HDAC9: variants seen among roughly 807,000 people sequenced by gnomAD.
HDAC9 encodes histone deacetylase 9.
HDAC9 carries 41 observed loss-of-function variants against 139.4 expected under a neutral mutation model. The ratio of observed to expected loss-of-function variants is 0.29; its 90% CI spans 0.23 to 0.38. HDAC9 has a LOEUF of 0.38. Ranked by LOEUF, HDAC9 falls within the 10% of genes least tolerant of loss-of-function variation. The pLI is 1.00. For synonymous variants in HDAC9, 517 were observed against 476.2 expected (o/e 1.09, Z -1.12); for missense variants, 1,147 against 1,297.0 (o/e 0.88, Z 1.78).
chr7:18,274,361 C>G (rs968690755), intron 2 of HDAC9, among the ~76,000 whole-genome samples: 2 of 152,144 alleles, frequency 1.3e-5, no homozygotes, highest in African/African-American at 4.8e-5. Context: ...GTGCATAGAT[C>G]ACATGGTGAG....
intron 17 of HDAC9, among the ~76,000 whole-genome samples, chr7:18,826,540 T>G (rs2129203813): frequency 6.6e-6 from 1 of 152,118 alleles, no homozygotes; most frequent in East Asian, 1.9e-4. Flanking sequence ...GTTTCAGAAA[T>G]AGTTTAGCAG....
At chr7:18,501,184 A>G (rs1028859907) in intron 2 of HDAC9, among the ~76,000 whole-genome samples, 4 of 152,164 alleles carry the variant, frequency 2.6e-5, no homozygotes, top group African/African-American at 9.7e-5. Flanking sequence ...CAAAGTAACG[A>G]GGGAACACTG....
intron 1 of HDAC9, among the ~76,000 whole-genome samples, chr7:18,147,656 G>T (rs1786442766): frequency 6.7e-6 from 1 of 149,832 alleles, no homozygotes; most frequent in African/African-American, 2.4e-5. Flanking sequence ...AAGCAATAAG[G>T]CATTTAAAAT....
intron 2 of HDAC9, among the ~76,000 whole-genome samples, chr7:18,219,758 A>T (rs1280604352): frequency 2.0e-5 from 3 of 152,194 alleles, no homozygotes; most frequent in Non-Finnish European, 4.4e-5. Context: ...ATTTCCAAAA[A>T]ACTTTATTTT....
intron 12 of HDAC9, among the ~76,000 whole-genome samples, chr7:18,673,678 C>T (rs1489591665): frequency 6.6e-6 from 1 of 151,970 alleles, no homozygotes; most frequent in Non-Finnish European, 1.5e-5. Context: ...TTTAGATCGT[C>T]TTCATCTCAT....
intron 2 of HDAC9, among the ~76,000 whole-genome samples, chr7:18,582,131 C>T (rs1038327449): frequency 2.0e-5 from 3 of 152,162 alleles, no homozygotes; most frequent in Admixed American, 1.3e-4. Context: ...GACAGGATTT[C>T]TGTTAGCCTT....
At position 18,625,484 on chromosome 7, in the gene HDAC9, C is replaced by T. The variant is rs182547821; in HGVS notation, c.665-3866C>T. Among the ~76,000 whole-genome samples the T allele has an allele frequency of 1.1e-4, 17 of 152,250 alleles. No homozygotes were observed. The East Asian group carries it at 3.1e-3, about 28-fold the overall frequency. On this transcript the variant is annotated intron_variant, in intron 6 of 25. Coordinates refer to ENST00000686413, the MANE Select transcript of HDAC9 (RefSeq NM_178425.4). ...CTTTGTAGGATGTTTGGCAGTACCC[C>T]TGGCCTGTACCCATACCAGATGCCT...
At chr7:18,752,059 G>C (rs1315420901) in intron 14 of HDAC9, among the ~76,000 whole-genome samples, 2 of 152,034 alleles carry the variant, frequency 1.3e-5, no homozygotes, top group Admixed American at 6.6e-5. Flanking sequence ...ATTTTACTAT[G>C]TTATTAAGCC....
intron 2 of HDAC9, among the ~76,000 whole-genome samples, chr7:18,277,768 C>G (rs999111869): frequency 3.3e-5 from 5 of 152,052 alleles, no homozygotes; most frequent in Non-Finnish European, 5.9e-5. Flanking sequence ...AAAGTCTTAC[C>G]TCTGATTCAG....
At chr7:18,425,276 A>G (rs1018586199) in intron 1 of HDAC9, among the ~76,000 whole-genome samples, 3 of 152,230 alleles carry the variant, frequency 2.0e-5, no homozygotes, top group Non-Finnish European at 4.4e-5. Flanking sequence ...CCAAGTAGAT[A>G]TAGAAATAGT....
intron 12 of HDAC9, among the ~76,000 whole-genome samples, chr7:18,678,590 C>A (rs1030784503): frequency 6.6e-6 from 1 of 151,780 alleles, no homozygotes; most frequent in African/African-American, 2.4e-5. Flanking sequence ...TTAATCACAT[C>A]CAGTAAATTT....
chr7:18,692,049 G>C (rs1468863930), intron 12 of HDAC9, among the ~76,000 whole-genome samples: 1 of 152,054 alleles, frequency 6.6e-6, no homozygotes, highest in African/African-American at 2.4e-5. Flanking sequence ...CTGTCTCCTG[G>C]GGTAAATGGT....
intron 2 of HDAC9, among the ~76,000 whole-genome samples, chr7:18,503,544 T>G (rs1798956662): frequency 6.6e-6 from 1 of 152,222 alleles, no homozygotes; most frequent in Non-Finnish European, 1.5e-5. Context: ...CCATTCATTA[T>G]CATAATGTTA....
At chr7:18,865,657 A>G (rs535467822) in intron 21 of HDAC9, among the ~76,000 whole-genome samples, 22 of 152,280 alleles carry the variant, frequency 1.4e-4, no homozygotes, top group African/African-American at 5.3e-4. Context: ...AGCAGCCACA[A>G]CAGCTGCCTG....
At chr7:18,736,499 G>A (rs746167505) in intron 13 of HDAC9, among the ~76,000 whole-genome samples, 1 of 152,258 alleles carries the variant, frequency 6.6e-6, no homozygotes, top group South Asian at 2.1e-4. Context: ...TAATGATGTG[G>A]TTTTGTTGTT....
At chr7:18,987,538 T>C (rs1402306493) in intron 25 of HDAC9, among the ~76,000 whole-genome samples, 1 of 152,202 alleles carries the variant, frequency 6.6e-6, no homozygotes, top group Non-Finnish European at 1.5e-5. Context: ...CTTTTTTGGT[T>C]GTGTCTCTGC....
intron 2 of HDAC9, among the ~76,000 whole-genome samples, chr7:18,552,400 A>G (rs1260018986): frequency 6.6e-6 from 1 of 152,056 alleles, no homozygotes; most frequent in Non-Finnish European, 1.5e-5. Flanking sequence ...CCACTTAATG[A>G]GTAGGCTTTA....
chr7:18,571,636 T>A (rs10230466), intron 2 of HDAC9, among the ~76,000 whole-genome samples: 8,470 of 152,014 alleles, frequency 0.056, 337 homozygotes, highest in African/African-American at 0.12. Flanking sequence ...TTTTATTTTT[T>A]TTTTTGGTAA....
At chr7:18,279,069 A>G (rs1273104192) in intron 2 of HDAC9, among the ~76,000 whole-genome samples, 1 of 152,204 alleles carries the variant, frequency 6.6e-6, no homozygotes, top group Non-Finnish European at 1.5e-5. Context: ...ACAGAATTCA[A>G]TTCATCATTC....
Sources: allele counts gnomAD v4.1 joint callset (sites outside exome capture counted in the v4.1 genomes callset), GRCh38; gene constraint gnomAD v4.1.1; transcripts MANE v1.5; gene names NCBI Gene and HGNC (gene_info 2026-07-23, HGNC 2026-07-21).